TRIOBP: variants seen among roughly 807,000 people sequenced by gnomAD.
The protein encoded by TRIOBP is TRIO and F-actin-binding protein.
A neutral mutation model predicts 238.8 loss-of-function variants in TRIOBP; 169 were observed. The observed-to-expected ratio is 0.71, with a 90% CI of 0.62 to 0.80. The LOEUF is 0.80. TRIOBP is among the 30% of genes least tolerant of loss of function. TRIOBP has a pLI of 0.00. For missense variants in TRIOBP, 2,838 were observed against 3,122.6 expected (o/e 0.91, Z 2.17); for synonymous variants, 1,150 against 1,274.4 (o/e 0.90, Z 2.08).
At position 37,724,539 on chromosome 22, in the gene TRIOBP, C is replaced by T; in HGVS notation, c.1983C>T (p.Ser661=). The change falls in exon 7 of 24, where the codon TCC becomes TCT. Residue 661 remains serine (S), a synonymous_variant. Transcript: ENST00000644935. ...SCARRDDPRA[S]SPNRTIQQEN... The stretch of plus-strand genomic sequence containing the variant: ...CCCGACGGGACGATCCCAGAGCCTC[C>T]TCTCCTAACAGAACCATCCAACAAG... 6.2e-7 allele frequency: 1 copy of T among 1,603,210 alleles called. No individual in the cohort carries two copies. Among genetic ancestry groups the T allele is most frequent in the African/African-American group, 1.4e-5 (1 of 73,740 alleles).
Position 37,757,948 on chromosome 22 carries a change from G to C in TRIOBP, c.6023G>C (p.Arg2008Pro). Residue 2008 changes from arginine (R) to proline (P), a missense_variant, in exon 16 of 24, where the codon CGG (arginine) becomes CCG (proline). Transcript: ENST00000644935. ...GTGCCTGCTGGTGAGGGGCCGCGCC[G>C]GGGCCTGGGTGCCCCCCTGACTGAG... ...PEVPAGEGPR[R>P]GLGAPLTEDQ... is the part of the protein sequence containing the mutation. 1.3e-6 allele frequency: 2 copies of C among 1,563,562 alleles called. No individual in the cohort carries two copies. Among genetic ancestry groups the C allele is most frequent in the Non-Finnish European group, 1.7e-6 (2 of 1,154,882 alleles).
intron 3 of TRIOBP, among the ~76,000 whole-genome samples, chr22:37,709,552 G>A (rs992738136): frequency 3.3e-5 from 5 of 152,314 alleles, no homozygotes; most frequent in East Asian, 1.9e-4. Context: ...GCTGACAGTC[G>A]ACAGCCACCA....
Position 37,726,338 on chromosome 22 carries a change from C to T in TRIOBP, c.3782C>T (p.Thr1261Ile), listed in dbSNP as rs778229169. 1.2e-6 allele frequency: 2 copies of T among 1,611,296 alleles called. No homozygotes were observed. The highest frequency in any genetic ancestry group is 2.2e-5 in the South Asian group (2 of 90,868). The change falls in exon 7 of 24, where the codon ACC becomes ATC. Residue 1261 changes from threonine (T) to isoleucine (I), a missense_variant. Around this residue, in one of 5 missense-constraint regions of TRIOBP, gnomAD observed 2,096 missense variants for 2,137.4 expected, o/e 0.98. Coordinates refer to ENST00000644935, the MANE Select transcript of TRIOBP (RefSeq NM_001039141.3). ...GSRGSAPPGE[T>I]RHNLEREEYT... Reference sequence around the variant, plus strand: ...CGGGGCTCAGCGCCTCCCGGGGAGACCAGGCACAACTTGGAGCGGGAGGAG... The same window carrying T: ...CGGGGCTCAGCGCCTCCCGGGGAGATCAGGCACAACTTGGAGCGGGAGGAG...
chr22:37,750,199 G>C (rs1925509414), intron 11 of TRIOBP, among the ~76,000 whole-genome samples: 1 of 152,216 alleles, frequency 6.6e-6, no homozygotes, highest in Admixed American at 6.5e-5. Flanking sequence ...CCACTTCCCA[G>C]GCAGCCCTAG....
In TRIOBP at chr22:37,762,027, G is replaced by A. The variant is rs545547027; in HGVS notation, c.6324+2763G>A. On this transcript the variant is annotated intron_variant, in intron 17 of 23. Transcript: ENST00000644935. ...GGGTGGGTGGGGCTGGGACCCATTC[G>A]TACCCACCTATAATCAGAGTGGCTT... Among the ~76,000 whole-genome samples the A allele has an allele frequency of 1.6e-3, 248 of 152,236 alleles. 1 individual carries two copies. Among genetic ancestry groups the A allele is most frequent in the Non-Finnish European group, 2.9e-3 (197 of 68,006 alleles).
intron 15 of TRIOBP, among the ~76,000 whole-genome samples, chr22:37,756,990 G>A (rs1268609963): frequency 3.3e-5 from 5 of 152,106 alleles, no homozygotes; most frequent in African/African-American, 1.2e-4. Flanking sequence ...TGCTTTCCAC[G>A]TTCGCCCACC....
intron 15 of TRIOBP, among the ~76,000 whole-genome samples, chr22:37,757,371 CA>C (rs972378846): frequency 6.6e-6 from 1 of 152,072 alleles, no homozygotes; most frequent in African/African-American, 2.4e-5. Flanking sequence ...CCTTGAAAAA[CA>C]AAAACAAGAA....
rs1926042428 is a variant in TRIOBP at position 37,758,112 on chromosome 22, G to T, written c.6187G>T (p.Asp2063Tyr). 1.9e-6 allele frequency: 3 copies of T among 1,610,928 alleles called. No homozygotes were observed. In the South Asian group the frequency reaches 3.3e-5, roughly 18 times the overall value. ...SRGERRGPPS[D>Y]GHEALEKEVQ... ...CGGAGAGCGCCGAGGGCCCCCAAGTGACGGCCACGAGGCACTGGAGAAGGA... is the reference window on the plus strand; with the variant it reads ...CGGAGAGCGCCGAGGGCCCCCAAGTTACGGCCACGAGGCACTGGAGAAGGA... The change falls in exon 16 of 24, where the codon GAC becomes TAC. Residue 2063 changes from aspartate to tyrosine, a missense_variant. Coordinates refer to ENST00000644935, the MANE Select transcript of TRIOBP (RefSeq NM_001039141.3).
intron 6 of TRIOBP, among the ~76,000 whole-genome samples, chr22:37,722,394 C>G (rs1601629695): frequency 1.4e-5 from 2 of 147,794 alleles, no homozygotes; most frequent in East Asian, 2.0e-4. Flanking sequence ...CGTCATTGCA[C>G]TCTAGCCTGG....
intron 6 of TRIOBP, among the ~76,000 whole-genome samples, chr22:37,718,221 C>A (rs1171405268): frequency 6.6e-6 from 1 of 152,242 alleles, no homozygotes; most frequent in Non-Finnish European, 1.5e-5. Context: ...TCGCGCCTCT[C>A]CCTCCACACC....
chr22:37,706,606 C>G (rs1195338405), intron 3 of TRIOBP, among the ~76,000 whole-genome samples: 1 of 151,994 alleles, frequency 6.6e-6, no homozygotes, highest in Non-Finnish European at 1.5e-5. Context: ...GCCTAGTTAA[C>G]AAAGTGAGAT....
intron 6 of TRIOBP, among the ~76,000 whole-genome samples, chr22:37,719,989 C>CACACTGCACTCACTGTTTCACACAT (rs367687004): frequency 1.4e-5 from 1 of 71,206 alleles, no homozygotes; most frequent in Non-Finnish European, 2.5e-5. Flanking sequence ...TTTCACTCAT[C>CACACTGCACTCACTGTTTCACACAT]CCCCCCCGCC....
Position 37,722,619 on chromosome 22 carries a change from C to T in TRIOBP, c.629-566C>T, listed in dbSNP as rs566457989. On this transcript the variant is annotated intron_variant, in intron 6 of 23. Coordinates refer to ENST00000644935, the MANE Select transcript of TRIOBP (RefSeq NM_001039141.3). ...GCGCATGCCTGTAATCCCAGCTACTCGGGAGGCTGAGGCAGGAGAATGGCT... is the reference window on the plus strand; with the variant it reads ...GCGCATGCCTGTAATCCCAGCTACTTGGGAGGCTGAGGCAGGAGAATGGCT... Among the ~76,000 whole-genome samples, 15 of 147,832 alleles carry T rather than the reference C, an allele frequency of 1.0e-4. No individual in the cohort carries two copies. In the East Asian group the frequency reaches 1.8e-3, roughly 18 times the overall value.
chr22:37,759,024 G>A, intron 16 of TRIOBP, 130 bp from the exon 17 acceptor site: 1 of 763,524 alleles, frequency 1.3e-6, no homozygotes, highest in Non-Finnish European at 2.2e-6. Context: ...CAAACCCTGA[G>A]GCATTCCTAA....
Position 37,776,206 on chromosome 22 carries a change from G to A in TRIOBP, c.*2426G>A, listed in dbSNP as rs3171656. 0.25 allele frequency: 38,111 copies of A among 152,182 alleles called. 5,708 individuals carry two copies. Among genetic ancestry groups the A allele is most frequent in the South Asian group, 0.41 (1,968 of 4,824 alleles). 9.4% of individuals were successfully genotyped at this position (152,182 alleles called of 1,614,324 possible). A position where few individuals can be genotyped will look rare whatever the true frequency, so the allele number is the denominator to read the frequency against. On this transcript the variant is annotated 3_prime_UTR_variant, in exon 24 of 24. Coordinates refer to ENST00000644935, the MANE Select transcript of TRIOBP (RefSeq NM_001039141.3). Reference sequence around the variant, plus strand: ...ACAAAAACCAGGCCAGCCTCTGAAAGGTGCTCCACATCTCATTAAAAACCG... The same window carrying A: ...ACAAAAACCAGGCCAGCCTCTGAAAAGTGCTCCACATCTCATTAAAAACCG...
chr22:37,750,206 C>CT (rs1925509940), intron 11 of TRIOBP, among the ~76,000 whole-genome samples: 1 of 152,194 alleles, frequency 6.6e-6, no homozygotes, highest in Non-Finnish European at 1.5e-5. Flanking sequence ...CCAGGCAGCC[C>CT]TAGAGGTTCC....
chr22:37,720,755 C>T (rs1289291357), intron 6 of TRIOBP, among the ~76,000 whole-genome samples: 1 of 152,148 alleles, frequency 6.6e-6, no homozygotes, highest in African/African-American at 2.4e-5. Flanking sequence ...TCAAGCAATC[C>T]TCCTGCCTCA....
chr22:37,748,853 C>T (rs1428434652), intron 11 of TRIOBP, among the ~76,000 whole-genome samples: 5 of 152,092 alleles, frequency 3.3e-5, no homozygotes, highest in Non-Finnish European at 5.9e-5. Flanking sequence ...CCTGAGTAGC[C>T]GCTTGCCTAG....
At chr22:37,759,511 T>C in intron 17 of TRIOBP, 1 of 1,608,552 alleles carries the variant, frequency 6.2e-7, no homozygotes, top group Middle Eastern at 1.7e-4. Flanking sequence ...CCTGCAGGTC[T>C]CAAAGGTGGG....
Sources: gnomAD v4.1 joint callset for allele counts (sites outside exome capture counted in the v4.1 genomes callset) on GRCh38, gnomAD v4.1.1 for gene constraint, gnomAD v4.1.1 regional missense constraint, MANE v1.5 for transcripts, NCBI Gene and HGNC (gene_info 2026-07-23, HGNC 2026-07-21) for gene names.